RAP1GDS1: variants seen among roughly 807,000 people sequenced by gnomAD.
RAP1GDS1 encodes RAP1, GTP-GDP dissociation stimulator 1.
A neutral mutation model predicts 71.1 loss-of-function variants in RAP1GDS1; 35 were observed. That is an observed-to-expected ratio of 0.49 (90% CI 0.38 to 0.65). The LOEUF (loss-of-function observed/expected upper bound fraction) is 0.65, where lower values mean the gene tolerates loss of function less well. RAP1GDS1 is among the 30% of genes least tolerant of loss of function. The probability of loss-of-function intolerance (pLI) is 0.00; values close to 1 mark genes in which losing one functional copy is unlikely to be tolerated. For synonymous variants in RAP1GDS1, 229 were observed against 243.1 expected (o/e 0.94, Z 0.54); for missense variants, 663 against 706.1 (o/e 0.94, Z 0.69).
chr4:98,350,719 T>G (rs1578545379), intron 3 of RAP1GDS1, among the ~76,000 whole-genome samples: 1 of 152,204 alleles, frequency 6.6e-6, no homozygotes, highest in East Asian at 1.9e-4. Context: ...TTGCCTGTAG[T>G]CCCAGCTACT....
At chr4:98,370,630 C>T (rs946098637) in intron 4 of RAP1GDS1, among the ~76,000 whole-genome samples, 1 of 150,782 alleles carries the variant, frequency 6.6e-6, no homozygotes, top group African/African-American at 2.4e-5. Context: ...GTGGCGCGAT[C>T]TCTGCTCCCA....
In RAP1GDS1 at chr4:98,420,164, C is replaced by T. The variant is rs761699938; in HGVS notation, c.1300+20C>T. On this transcript the variant is annotated intron_variant, in intron 11 of 14. Coordinates refer to ENST00000408927, the MANE Select transcript of RAP1GDS1 (RefSeq NM_001100427.2). ...CACAAGGTAAAAGAAATGTTTTCCCCAACTTGCATTTTTCATATGATAGTC... is the reference window on the plus strand; with the variant it reads ...CACAAGGTAAAAGAAATGTTTTCCCTAACTTGCATTTTTCATATGATAGTC... The T allele has an allele frequency of 6.7e-7, 1 of 1,489,414 alleles. No homozygotes were observed. Among genetic ancestry groups the T allele is most frequent in the South Asian group, 1.5e-5 (1 of 66,332 alleles). The allele number at this position is 1,489,414 out of a possible 1,614,324, so 92.3% of individuals were successfully genotyped here. A position where few individuals can be genotyped will look rare whatever the true frequency, so the allele number is the denominator to read the frequency against.
rs1314157758 is a variant in RAP1GDS1, at chr4:98,323,827, G to A, written c.113-19312G>A. Among the ~76,000 whole-genome samples, 5 of 150,270 alleles carry A rather than the reference G, an allele frequency of 3.3e-5. No homozygotes were observed. In the East Asian group the frequency reaches 1.0e-3, roughly 30 times the overall value. On this transcript the variant is annotated intron_variant, in intron 2 of 14. Transcript: ENST00000408927. Reference sequence around the variant, plus strand: ...CCACAGCCAATATCATACTGAATGGGCAAAAACTGGAAGCATTCCCTTTGA... The same window carrying A: ...CCACAGCCAATATCATACTGAATGGACAAAAACTGGAAGCATTCCCTTTGA...
At chr4:98,325,434 A>G (rs1732855918) in intron 2 of RAP1GDS1, among the ~76,000 whole-genome samples, 1 of 151,782 alleles carries the variant, frequency 6.6e-6, no homozygotes, top group Admixed American at 6.6e-5. Context: ...ATATACCCAA[A>G]TGACTATAAA....
chr4:98,423,395 G>C lies in RAP1GDS1; in HGVS notation c.1440+2001G>C, dbSNP rs80154648. ...GTAGAAAGAGACAGTAGCCAGAGAG[G>C]TTGAAAACTGGGAATTAAGTGAATT... On this transcript the variant is annotated intron_variant, in intron 12 of 14. Transcript: ENST00000408927. Among the ~76,000 whole-genome samples the C allele has an allele frequency of 7.3e-3, 1,117 of 152,282 alleles. 19 individuals carry two copies. Among genetic ancestry groups the C allele is most frequent in the African/African-American group, 0.026 (1,075 of 41,558 alleles).
intron 1 of RAP1GDS1, among the ~76,000 whole-genome samples, chr4:98,280,401 T>C (rs1238747042): frequency 6.6e-6 from 1 of 152,248 alleles, no homozygotes; most frequent in South Asian, 2.1e-4. Context: ...GCTGCATAAA[T>C]GTCTTCTTTT....
intron 2 of RAP1GDS1, among the ~76,000 whole-genome samples, chr4:98,294,889 T>G (rs1727495724): frequency 6.6e-6 from 1 of 152,094 alleles, no homozygotes; most frequent in Non-Finnish European, 1.5e-5. Flanking sequence ...ATTGAGTATC[T>G]CAGGTATATT....
At chr4:98,279,913 C>T (rs968400832) in intron 1 of RAP1GDS1, among the ~76,000 whole-genome samples, 7 of 152,316 alleles carry the variant, frequency 4.6e-5, no homozygotes, top group East Asian at 3.9e-4. Flanking sequence ...CCAGCTTCAT[C>T]CATATCCCTG....
At chr4:98,382,602 T>C (rs1296368456) in intron 5 of RAP1GDS1, among the ~76,000 whole-genome samples, 1 of 151,674 alleles carries the variant, frequency 6.6e-6, no homozygotes, top group Non-Finnish European at 1.5e-5. Flanking sequence ...GTTATCTGTT[T>C]CCTAGCTTTG....
Position 98,298,715 on chromosome 4 carries a change from G to T in RAP1GDS1, c.112+5200G>T, listed in dbSNP as rs1393806353. On this transcript the variant is annotated intron_variant, in intron 2 of 14. Coordinates refer to ENST00000408927, the MANE Select transcript of RAP1GDS1 (RefSeq NM_001100427.2). Reference sequence around the variant, plus strand: ...GTACATGGAGATAAATGTTATTTTTGTGCCTGTTAACACAACATCCGTGGA... The same window carrying T: ...GTACATGGAGATAAATGTTATTTTTTTGCCTGTTAACACAACATCCGTGGA... Among the ~76,000 whole-genome samples, 7 of 152,188 alleles carry T rather than the reference G, an allele frequency of 4.6e-5. No individual in the cohort carries two copies. In the East Asian group the frequency reaches 1.2e-3, roughly 25 times the overall value.
intron 1 of RAP1GDS1, among the ~76,000 whole-genome samples, chr4:98,272,327 T>TC (rs1723589432): frequency 6.6e-6 from 1 of 152,216 alleles, no homozygotes; most frequent in Non-Finnish European, 1.5e-5. Flanking sequence ...AATCCATGCT[T>TC]CGGGATTTAT....
chr4:98,270,636 T>C (rs995206812), intron 1 of RAP1GDS1, among the ~76,000 whole-genome samples: 1 of 152,146 alleles, frequency 6.6e-6, no homozygotes, highest in African/African-American at 2.4e-5. Context: ...ATGGAAGTGG[T>C]TAAATTGAGC....
intron 2 of RAP1GDS1, among the ~76,000 whole-genome samples, chr4:98,340,194 A>G (rs938257068): frequency 3.3e-5 from 5 of 152,242 alleles, no homozygotes; most frequent in African/African-American, 1.2e-4. Flanking sequence ...ACCCAAAGGA[A>G]TAGAAATCAT....
chr4:98,347,903 A>C (rs1448285152), intron 3 of RAP1GDS1, among the ~76,000 whole-genome samples: 1 of 152,212 alleles, frequency 6.6e-6, no homozygotes, highest in Non-Finnish European at 1.5e-5. Context: ...CCTTTGAAGA[A>C]GGACGACTGT....
intron 1 of RAP1GDS1, among the ~76,000 whole-genome samples, chr4:98,290,661 A>G (rs1365378476): frequency 1.3e-5 from 2 of 152,132 alleles, no homozygotes; most frequent in African/African-American, 2.4e-5. Context: ...TTTTAGTGGG[A>G]AAGTATAGCT....
intron 1 of RAP1GDS1, among the ~76,000 whole-genome samples, chr4:98,263,199 A>C (rs1016843017): frequency 6.6e-5 from 10 of 152,198 alleles, no homozygotes; most frequent in Non-Finnish European, 1.2e-4. Flanking sequence ...GTGTATGTTC[A>C]AAGGAAATAT....
intron 2 of RAP1GDS1, among the ~76,000 whole-genome samples, chr4:98,306,774 G>A (rs537866004): frequency 7.9e-5 from 12 of 152,256 alleles, no homozygotes; most frequent in African/African-American, 2.9e-4. Context: ...GGCAAGGGTA[G>A]TATCATGCTA....
intron 2 of RAP1GDS1, among the ~76,000 whole-genome samples, chr4:98,312,312 T>C (rs1730344860): frequency 6.6e-6 from 1 of 152,144 alleles, no homozygotes; most frequent in Non-Finnish European, 1.5e-5. Context: ...AGGGGATCTG[T>C]TTCATTTTTT....
At chr4:98,304,708 T>C (rs1472808788) in intron 2 of RAP1GDS1, among the ~76,000 whole-genome samples, 1 of 152,192 alleles carries the variant, frequency 6.6e-6, no homozygotes, top group Non-Finnish European at 1.5e-5. Flanking sequence ...TTAGATCCCA[T>C]TTGTCAATTT....
Sources: allele counts gnomAD v4.1 joint callset (sites outside exome capture counted in the v4.1 genomes callset), GRCh38; gene constraint gnomAD v4.1.1; transcripts MANE v1.5; gene names NCBI Gene and HGNC (gene_info 2026-07-23, HGNC 2026-07-21).